APBB2: variants seen among roughly 807,000 people sequenced by gnomAD.
The protein encoded by APBB2 is Fe65-like 1.
A neutral mutation model predicts 82.5 loss-of-function variants in APBB2; 38 were observed. That is an observed-to-expected ratio of 0.46 (90% confidence interval 0.36 to 0.60). The LOEUF (loss-of-function observed/expected upper bound fraction) is 0.60, where lower values mean the gene tolerates loss of function less well. Ranked by LOEUF, APBB2 falls within the 20% of genes least tolerant of loss-of-function variation. APBB2 has a pLI of 0.00. For missense variants in APBB2, 772 were observed against 972.3 expected (o/e 0.79, Z 2.74); for synonymous variants, 341 against 368.2 (o/e 0.93, Z 0.85).
chr4:40,894,000 T>C (rs566328559), intron 10 of APBB2, among the ~76,000 whole-genome samples: 1 of 145,810 alleles, frequency 6.9e-6, no homozygotes, highest in South Asian at 2.2e-4. Flanking sequence ...AAAGAATAGA[T>C]TATGAGGGCC....
intron 6 of APBB2, among the ~76,000 whole-genome samples, chr4:41,009,156 T>C (rs1048517033): frequency 1.6e-4 from 25 of 152,010 alleles, no homozygotes; most frequent in African/African-American, 5.8e-4. Context: ...CTATATACAG[T>C]GTGACCAACA....
intron 12 of APBB2, among the ~76,000 whole-genome samples, chr4:40,884,844 GA>G (rs1246408923): frequency 1.3e-5 from 2 of 151,722 alleles, no homozygotes; most frequent in Non-Finnish European, 2.9e-5. Context: ...AAGAGAATAT[GA>G]AAAAAAATTC....
Position 40,862,461 on chromosome 4 carries a change from T to C in APBB2, c.1529+27903A>G, listed in dbSNP as rs532964351. 2.9e-3 allele frequency among the ~76,000 whole-genome samples: 446 copies of C among 152,310 alleles called. 2 individuals carry two copies. The highest frequency in any genetic ancestry group is 0.01 in the African/African-American group (422 of 41,570). On this transcript the variant is annotated intron_variant, in intron 12 of 17. Transcript: ENST00000508593. Reference sequence around the variant, plus strand: ...ATTCCTTAAATATTTGAGACTATTTTAACATCCATTTGTATGACACTTGCA... The same window carrying C: ...ATTCCTTAAATATTTGAGACTATTTCAACATCCATTTGTATGACACTTGCA...
chr4:41,046,101 C>T (rs1422583888), intron 4 of APBB2, among the ~76,000 whole-genome samples: 1 of 151,994 alleles, frequency 6.6e-6, no homozygotes, highest in Non-Finnish European at 1.5e-5. Flanking sequence ...GTGCCCTCTC[C>T]CTCACATACG....
intron 16 of APBB2, chr4:40,822,273 T>C (rs1748262085): frequency 3.7e-6 from 2 of 538,256 alleles, no homozygotes; most frequent in African/African-American, 1.9e-5. Flanking sequence ...ACTGCTGTCA[T>C]GGGGTGTGAT....
chr4:41,122,308 C>T (rs1163214705), intron 2 of APBB2, among the ~76,000 whole-genome samples: 1 of 152,118 alleles, frequency 6.6e-6, no homozygotes, highest in Non-Finnish European at 1.5e-5. Context: ...GGGGTCTGTA[C>T]AATAGTTTTC....
intron 6 of APBB2, among the ~76,000 whole-genome samples, chr4:40,968,320 A>C (rs1356206582): frequency 1.3e-5 from 2 of 152,180 alleles, no homozygotes; most frequent in Non-Finnish European, 2.9e-5. Flanking sequence ...AGAAAAGTAC[A>C]GTGCTCGTAG....
Position 40,930,458 on chromosome 4 carries a change from CGCGCGCGCGTGCGCGT to C in APBB2, c.1254+3982_1254+3997del, listed in dbSNP as rs143650026. Among the ~76,000 whole-genome samples, 545 of 133,660 alleles carry C rather than the reference CGCGCGCGCGTGCGCGT, an allele frequency of 4.1e-3. 1 individual carries two copies. The highest frequency in any genetic ancestry group is 0.012 in the African/African-American group (399 of 33,000). 87.7% of individuals were successfully genotyped at this position (133,660 alleles called of 152,430 possible). On this transcript the variant is annotated intron_variant, in intron 10 of 17. Transcript: ENST00000508593. ...GTGTGTGTGTGTGTGTGCGCGCGCGCGCGCGCGCGTGCGCGTGCGCGTATGCGTGTGTATGTGTGTG... is the reference window on the plus strand; with the variant it reads ...GTGTGTGTGTGTGTGTGCGCGCGCGCGCGCGTATGCGTGTGTATGTGTGTG...
rs1263782527 is a variant in APBB2, at chr4:41,178,929, A to T, written c.-417+35476T>A. Among the ~76,000 whole-genome samples, 6 of 152,082 alleles carry T rather than the reference A, an allele frequency of 3.9e-5. No individual in the cohort carries two copies. In the East Asian group the frequency reaches 1.2e-3, roughly 29 times the overall value. ...TCTGCAGTTTTTACACTTCCCTTCCACCCACCCAGAACTGCCTCCTACCTC... is the reference window on the plus strand; with the variant it reads ...TCTGCAGTTTTTACACTTCCCTTCCTCCCACCCAGAACTGCCTCCTACCTC... On this transcript the variant is annotated intron_variant, in intron 1 of 17. Coordinates refer to ENST00000508593, the MANE Select transcript of APBB2 (RefSeq NM_004307.2).
At chr4:41,160,038 A>AAGAAGAAGAAGAAGAAGAAGAAG (rs1247891414) in intron 1 of APBB2, among the ~76,000 whole-genome samples, 5 of 123,136 alleles carry the variant, frequency 4.1e-5, no homozygotes, top group African/African-American at 1.4e-4. Flanking sequence ...AGAAGAAGAA[A>AAGAAGAAGAAGAAGAAGAAGAAG]ACATCACAGG....
chr4:40,860,396 C>CACCA (rs1762485617), intron 12 of APBB2, among the ~76,000 whole-genome samples: 1 of 152,176 alleles, frequency 6.6e-6, no homozygotes, highest in Non-Finnish European at 1.5e-5. Context: ...AAATCCTGGA[C>CACCA]ACCAAGGCTT....
intron 10 of APBB2, among the ~76,000 whole-genome samples, chr4:40,907,379 A>ATATTTTTT (rs1491382228): frequency 5.3e-5 from 2 of 37,398 alleles, no homozygotes; most frequent in African/African-American, 2.5e-4. Flanking sequence ...ATATATATAT[A>ATATTTTTT]TTTTTTTTTT....
rs1346052606 is a variant in APBB2, at chr4:40,989,067, CT to C, written c.835+24515del. On this transcript the variant is annotated intron_variant, in intron 6 of 17. Coordinates refer to ENST00000508593, the MANE Select transcript of APBB2 (RefSeq NM_004307.2). ...AGCCACTGCGCCTGGCCCCAGAGTA[CT>C]TTTTTTCTAGAATTTGCAATGTTCA... Among the ~76,000 whole-genome samples the C allele has an allele frequency of 2.0e-5, 3 of 152,206 alleles. No individual in the cohort carries two copies. The East Asian group carries it at 5.8e-4, about 29-fold the overall frequency.
chr4:40,939,377 C>T (rs1289991223), intron 7 of APBB2, among the ~76,000 whole-genome samples: 1 of 152,140 alleles, frequency 6.6e-6, no homozygotes, highest in Non-Finnish European at 1.5e-5. Flanking sequence ...GGACTGGCTG[C>T]CCGAGGGTGC....
chr4:41,006,778 T>A, intron 6 of APBB2, among the ~76,000 whole-genome samples: 1 of 152,080 alleles, frequency 6.6e-6, no homozygotes, highest in African/African-American at 2.4e-5. Context: ...GGGCCTAGTA[T>A]TTGTAAGAAA....
At chr4:40,850,009 C>G (rs1490175632) in intron 12 of APBB2, among the ~76,000 whole-genome samples, 1 of 152,210 alleles carries the variant, frequency 6.6e-6, no homozygotes, top group Non-Finnish European at 1.5e-5. Flanking sequence ...CAGGCGTGAG[C>G]CACCGTGCCC....
intron 3 of APBB2, among the ~76,000 whole-genome samples, chr4:41,072,764 C>A (rs1273071985): frequency 6.6e-6 from 1 of 152,186 alleles, no homozygotes; most frequent in East Asian, 1.9e-4. Flanking sequence ...ATTCAATAAG[C>A]AGAATCTCCA....
At chr4:41,169,079 G>A (rs529158620) in intron 1 of APBB2, among the ~76,000 whole-genome samples, 16 of 151,844 alleles carry the variant, frequency 1.1e-4, no homozygotes, top group Admixed American at 1.1e-3. Flanking sequence ...TAGCTACTCA[G>A]GAGGCTGAGG....
chr4:40,942,516 G>A (rs1490005447), intron 7 of APBB2, among the ~76,000 whole-genome samples: 2 of 152,170 alleles, frequency 1.3e-5, no homozygotes, highest in South Asian at 4.1e-4. Context: ...TCCTTAAATG[G>A]AGAACATACC....
Sources: allele counts gnomAD v4.1 joint callset (sites outside exome capture counted in the v4.1 genomes callset), GRCh38; gene constraint gnomAD v4.1.1; transcripts MANE v1.5; gene names NCBI Gene and HGNC (gene_info 2026-07-23, HGNC 2026-07-21).